SLC8A1: variants seen among roughly 807,000 people sequenced by gnomAD.
SLC8A1 encodes solute carrier family 8 member A1.
In SLC8A1, 18 loss-of-function variants were observed where a neutral mutation model predicts 68.3. The ratio of observed to expected loss-of-function variants is 0.26; its 90% confidence interval spans 0.18 to 0.39. SLC8A1 has a LOEUF of 0.39. SLC8A1 is among the 10% of genes least tolerant of loss of function. The pLI is 1.00. For synonymous variants in SLC8A1, 475 were observed against 415.5 expected (o/e 1.14, Z -1.74); for missense variants, 985 against 1,156.7 (o/e 0.85, Z 2.15).
intron 7 of SLC8A1, among the ~76,000 whole-genome samples, chr2:40,136,396 G>A (rs1483473738): frequency 6.6e-6 from 1 of 152,118 alleles, no homozygotes; most frequent in African/African-American, 2.4e-5. Context: ...TGAATAGTAT[G>A]GTAAAAACAC....
At chr2:40,506,334 G>GA (rs1233448711) in intron 1 of SLC8A1, among the ~76,000 whole-genome samples, 3 of 151,758 alleles carry the variant, frequency 2.0e-5, no homozygotes, top group Admixed American at 1.3e-4. Flanking sequence ...TTATTGAGAA[G>GA]AAAAAACAAG....
At chr2:40,214,128 C>T (rs977846516) in intron 2 of SLC8A1, among the ~76,000 whole-genome samples, 2 of 152,196 alleles carry the variant, frequency 1.3e-5, no homozygotes, top group Non-Finnish European at 2.9e-5. Context: ...TCTCCCCATA[C>T]ATTTTCCATG....
In SLC8A1 at chr2:40,340,733, G is replaced by A. The variant is rs368503137; in HGVS notation, c.1808+87740C>T. ...TTTAATTCTTGAGACTGGCCTGGGCGAATCTGTTTCTTGCTAAATTGAAAG... is the reference window on the plus strand; with the variant it reads ...TTTAATTCTTGAGACTGGCCTGGGCAAATCTGTTTCTTGCTAAATTGAAAG... On this transcript the variant is annotated intron_variant, in intron 2 of 7. Transcript: ENST00000406785. 3.1e-4 allele frequency among the ~76,000 whole-genome samples: 47 copies of A among 152,256 alleles called. 2 individuals carry two copies. In the Middle Eastern group the frequency reaches 0.01, roughly 33 times the overall value.
chr2:40,152,255 A>T (rs1180814050), intron 6 of SLC8A1, among the ~76,000 whole-genome samples: 1 of 152,198 alleles, frequency 6.6e-6, no homozygotes, highest in Non-Finnish European at 1.5e-5. Flanking sequence ...TCTTACATAA[A>T]TTCTGGTGCA....
intron 1 of SLC8A1, among the ~76,000 whole-genome samples, chr2:40,470,044 A>T (rs1465743429): frequency 6.6e-6 from 1 of 152,144 alleles, no homozygotes; most frequent in Non-Finnish European, 1.5e-5. Context: ...GTTTCCCTAA[A>T]GTTCAGTTTC....
intron 2 of SLC8A1, among the ~76,000 whole-genome samples, chr2:40,312,121 T>C (rs931011348): frequency 2.6e-5 from 4 of 152,112 alleles, no homozygotes; most frequent in African/African-American, 7.2e-5. Flanking sequence ...TACATTGTAT[T>C]TGAAACAAGC....
intron 2 of SLC8A1, among the ~76,000 whole-genome samples, chr2:40,263,870 G>GTT (rs2065022877): frequency 1.3e-5 from 2 of 152,150 alleles, no homozygotes; most frequent in Non-Finnish European, 2.9e-5. Context: ...AAACTAAAGA[G>GTT]CTTGTGCACA....
chr2:40,374,466 G>GTA (rs1443620329), intron 2 of SLC8A1, among the ~76,000 whole-genome samples: 5 of 151,924 alleles, frequency 3.3e-5, no homozygotes, highest in East Asian at 1.9e-4. Context: ...AGGTGTGTGT[G>GTA]TATATATATA....
chr2:40,429,730 G>A, exon 2 of SLC8A1: 1 of 1,613,820 alleles, frequency 6.2e-7, no homozygotes, highest in Non-Finnish European at 8.5e-7. Flanking sequence ...AACACAGAGT[G>A]CAATAATGAT....
At chr2:40,134,796 G>A (rs1481426562) in intron 7 of SLC8A1, among the ~76,000 whole-genome samples, 1 of 152,140 alleles carries the variant, frequency 6.6e-6, no homozygotes, top group African/African-American at 2.4e-5. Flanking sequence ...ATACACAATT[G>A]CATTACTTCT....
intron 1 of SLC8A1, among the ~76,000 whole-genome samples, chr2:40,510,897 T>C (rs1706681728): frequency 6.6e-6 from 1 of 152,158 alleles, no homozygotes; most frequent in East Asian, 1.9e-4. Flanking sequence ...TAAAAACACA[T>C]TTCCTCTTTC....
rs1006825853 is a variant in SLC8A1, at chr2:40,156,130, T to G, written c.2161+4635A>C. Among the ~76,000 whole-genome samples, 3 of 152,354 alleles carry G rather than the reference T, an allele frequency of 2.0e-5. No homozygotes were observed. The South Asian group carries it at 6.2e-4, about 32-fold the overall frequency. ...GGCAAGCCAGAGGATGGGCAAGATA[T>G]GCTTTTCCATTGTCAAAATCCAACG... is the stretch of plus-strand genomic sequence containing the variant. On this transcript the variant is annotated intron_variant, in intron 6 of 7. Transcript: ENST00000406785.
chr2:40,300,760 C>T (rs1041014315), intron 2 of SLC8A1, among the ~76,000 whole-genome samples: 2 of 152,002 alleles, frequency 1.3e-5, no homozygotes, highest in Non-Finnish European at 2.9e-5. Context: ...CACCAGCAGC[C>T]GTTGAGAAAT....
chr2:40,250,649 A>T (rs1206868017), intron 2 of SLC8A1: 9 of 152,102 alleles, frequency 5.9e-5, no homozygotes, highest in Non-Finnish European at 1.2e-4. Flanking sequence ...TATTGTAGTG[A>T]TCTGCTACTA....
intron 1 of SLC8A1, among the ~76,000 whole-genome samples, chr2:40,472,398 G>C (rs1400136634): frequency 6.6e-6 from 1 of 152,078 alleles, no homozygotes; most frequent in Non-Finnish European, 1.5e-5. Context: ...AAATATAAAA[G>C]CACTATATTA....
intron 2 of SLC8A1, among the ~76,000 whole-genome samples, chr2:40,266,086 A>G (rs1473539630): frequency 6.6e-6 from 1 of 152,224 alleles, no homozygotes; most frequent in Non-Finnish European, 1.5e-5. Context: ...TTGTTCCCCC[A>G]GAAGACTGAG....
intron 2 of SLC8A1, among the ~76,000 whole-genome samples, chr2:40,228,312 T>C (rs2059238760): frequency 1.3e-5 from 2 of 152,206 alleles, no homozygotes; most frequent in Admixed American, 1.3e-4. Flanking sequence ...GAATCAAATA[T>C]GCTTATGTAA....
At chr2:40,339,961 T>A (rs760818938) in intron 2 of SLC8A1, among the ~76,000 whole-genome samples, 69 of 152,238 alleles carry the variant, frequency 4.5e-4, no homozygotes, top group Non-Finnish European at 9.4e-4. Flanking sequence ...ATATATTTCA[T>A]CACTGCATGA....
intron 2 of SLC8A1, among the ~76,000 whole-genome samples, chr2:40,192,064 C>A (rs1039228445): frequency 6.6e-6 from 1 of 151,998 alleles, no homozygotes; most frequent in Non-Finnish European, 1.5e-5. Flanking sequence ...ATGTAACCCA[C>A]AAGGTTAATA....
Sources: gnomAD v4.1 joint callset for allele counts (sites outside exome capture counted in the v4.1 genomes callset) on GRCh38, gnomAD v4.1.1 for gene constraint, MANE v1.5 for transcripts, NCBI Gene and HGNC (gene_info 2026-07-23, HGNC 2026-07-21) for gene names.